GRID2: variants seen among roughly 807,000 people sequenced by gnomAD.
The protein encoded by GRID2 is glutamate ionotropic receptor delta type subunit 2.
A neutral mutation model predicts 114.8 loss-of-function variants in GRID2; 33 were observed. The ratio of observed to expected loss-of-function variants is 0.29; its 90% CI spans 0.22 to 0.38. The LOEUF (loss-of-function observed/expected upper bound fraction) is 0.38, where lower values mean the gene tolerates loss of function less well. Ranked by LOEUF, GRID2 falls within the 10% of genes least tolerant of loss-of-function variation. The pLI is 1.00. For synonymous variants in GRID2, 505 were observed against 449.9 expected (o/e 1.12, Z -1.55); for missense variants, 1,184 against 1,257.7 (o/e 0.94, Z 0.89).
chr4:92,942,524 A>T (rs1434163491), intron 2 of GRID2, among the ~76,000 whole-genome samples: 2 of 152,012 alleles, frequency 1.3e-5, no homozygotes, highest in Non-Finnish European at 2.9e-5. Context: ...TCTTTATCCA[A>T]TTTGCCAGAC....
intron 4 of GRID2, among the ~76,000 whole-genome samples, chr4:93,172,566 T>C: frequency 6.6e-6 from 1 of 151,378 alleles, no homozygotes; most frequent in Non-Finnish European, 1.5e-5. Context: ...CACTCCAGCC[T>C]GGGCGACAGG....
At chr4:92,524,437 C>A (rs1724946077) in intron 1 of GRID2, among the ~76,000 whole-genome samples, 1 of 125,710 alleles carries the variant, frequency 8.0e-6, no homozygotes, top group Non-Finnish European at 1.6e-5. Flanking sequence ...TTTTGTTTAC[C>A]ATCTAGAGGC....
At chr4:92,926,284 G>A (rs1005575629) in intron 2 of GRID2, among the ~76,000 whole-genome samples, 1 of 151,770 alleles carries the variant, frequency 6.6e-6, no homozygotes. Context: ...GTTAATTTAC[G>A]GTTATGTAGA....
chr4:93,214,729 C>T (rs900217793), intron 5 of GRID2, among the ~76,000 whole-genome samples: 1 of 152,002 alleles, frequency 6.6e-6, no homozygotes, highest in Non-Finnish European at 1.5e-5. Flanking sequence ...GTAACCACCC[C>T]TTTTCCCTTT....
At chr4:93,686,229 C>G (rs1213428575) in intron 14 of GRID2, among the ~76,000 whole-genome samples, 1 of 152,022 alleles carries the variant, frequency 6.6e-6, no homozygotes. Context: ...CACTCACCTT[C>G]TCTCCTGCCC....
chr4:93,627,660 A>C (rs974352934), intron 14 of GRID2, among the ~76,000 whole-genome samples: 5 of 152,228 alleles, frequency 3.3e-5, no homozygotes, highest in African/African-American at 1.2e-4. Flanking sequence ...TCCAAGGCCC[A>C]GGCTGAAGAA....
In GRID2 at chr4:92,831,436, T is replaced by G. The variant is rs546511146; in HGVS notation, c.244+241150T>G. On this transcript the variant is annotated intron_variant, in intron 2 of 15. Transcript: ENST00000282020. ...AATGATTGGAGATCCAGCTGTAGTA[T>G]AAAGTTAAACACTTTTACTCTGTAG... Among the ~76,000 whole-genome samples the G allele has an allele frequency of 1.0e-4, 15 of 150,278 alleles. 1 individual carries two copies. In the South Asian group the frequency reaches 2.9e-3, roughly 29 times the overall value.
In GRID2 at chr4:93,568,595, T is replaced by C. The variant is rs765809100; in HGVS notation, c.2193+53184T>C. ...ATAGAAAACAAAACAAATTTCATAA[T>C]AGATAGATGCAGTAAGCACATCATT... On this transcript the variant is annotated intron_variant, in intron 13 of 15. Coordinates refer to ENST00000282020, the MANE Select transcript of GRID2 (RefSeq NM_001510.4). 4.4e-4 allele frequency among the ~76,000 whole-genome samples: 67 copies of C among 152,322 alleles called. No homozygotes were observed. In the Middle Eastern group the frequency reaches 0.01, roughly 23 times the overall value.
intron 4 of GRID2, among the ~76,000 whole-genome samples, chr4:93,167,149 G>T (rs1261672003): frequency 6.6e-6 from 1 of 152,112 alleles, no homozygotes; most frequent in Non-Finnish European, 1.5e-5. Context: ...TTCCAGCTTT[G>T]TTCTGAGACA....
chr4:92,577,156 C>T (rs1163869194), intron 1 of GRID2, among the ~76,000 whole-genome samples: 1 of 152,072 alleles, frequency 6.6e-6, no homozygotes, highest in Non-Finnish European at 1.5e-5. Context: ...ATGGAATCTC[C>T]ATCAACTCAG....
chr4:93,618,295 G>C lies in GRID2; in HGVS notation c.2194-7974G>C, dbSNP rs535986825. ...AATCTTCCACACTGCTGTTTCCCTG[G>C]AGTGTATTCTACTTGTTCTAATTTA... On this transcript the variant is annotated intron_variant, in intron 13 of 15. Coordinates refer to ENST00000282020, the MANE Select transcript of GRID2 (RefSeq NM_001510.4). Among the ~76,000 whole-genome samples the C allele has an allele frequency of 3.9e-5, 6 of 152,200 alleles. No individual in the cohort carries two copies. In the East Asian group the frequency reaches 1.2e-3, roughly 29 times the overall value.
At chr4:92,381,586 A>C (rs1478000355) in intron 1 of GRID2, among the ~76,000 whole-genome samples, 2 of 151,926 alleles carry the variant, frequency 1.3e-5, no homozygotes, top group Non-Finnish European at 2.9e-5. Flanking sequence ...CCATCTCCAC[A>C]TCAGTTAATT....
chr4:92,760,138 G>A (rs1423019304), intron 2 of GRID2, among the ~76,000 whole-genome samples: 1 of 149,788 alleles, frequency 6.7e-6, no homozygotes, highest in Non-Finnish European at 1.5e-5. Context: ...TACTCAGGAG[G>A]TGAGGCAGGA....
At chr4:92,692,014 A>G (rs1734205578) in intron 2 of GRID2, among the ~76,000 whole-genome samples, 1 of 152,176 alleles carries the variant, frequency 6.6e-6, no homozygotes, top group South Asian at 2.1e-4. Flanking sequence ...TAATGAAAAT[A>G]ACTTAGAGAC....
intron 1 of GRID2, among the ~76,000 whole-genome samples, chr4:92,507,791 G>C (rs1325353631): frequency 1.3e-5 from 2 of 151,756 alleles, no homozygotes; most frequent in Non-Finnish European, 2.9e-5. Context: ...TGAGTCTCAG[G>C]TTTCCAACTT....
chr4:92,355,638 G>A (rs918587947), intron 1 of GRID2, among the ~76,000 whole-genome samples: 1 of 151,664 alleles, frequency 6.6e-6, no homozygotes, highest in Non-Finnish European at 1.5e-5. Flanking sequence ...CTAACAGAGT[G>A]TTTTTCAAAA....
At chr4:93,014,377 A>G (rs1722477452) in intron 2 of GRID2, among the ~76,000 whole-genome samples, 1 of 152,100 alleles carries the variant, frequency 6.6e-6, no homozygotes, top group South Asian at 2.1e-4. Flanking sequence ...AGGGAAATGT[A>G]CACAGATAAT....
chr4:93,746,431 G>A (rs899764492), intron 14 of GRID2, among the ~76,000 whole-genome samples: 2 of 152,034 alleles, frequency 1.3e-5, no homozygotes, highest in Admixed American at 1.3e-4. Context: ...ACTTGGTTAA[G>A]CACTAGTTTC....
intron 14 of GRID2, among the ~76,000 whole-genome samples, chr4:93,761,385 T>C (rs1733194811): frequency 6.6e-6 from 1 of 152,162 alleles, no homozygotes; most frequent in Admixed American, 6.6e-5. Context: ...CCAAAATAAG[T>C]CAGAAACTAT....
Sources: allele counts gnomAD v4.1 joint callset (sites outside exome capture counted in the v4.1 genomes callset), GRCh38; gene constraint gnomAD v4.1.1; transcripts MANE v1.5; gene names NCBI Gene and HGNC (gene_info 2026-07-23, HGNC 2026-07-21).